ADA: variants seen among roughly 807,000 people sequenced by gnomAD.
ADA encodes the protein adenosine deaminase.
ADA carries 45 observed loss-of-function variants against 49.0 expected under a neutral mutation model. That is an observed-to-expected ratio of 0.92 (90% CI 0.72 to 1.18). The LOEUF (loss-of-function observed/expected upper bound fraction) is 1.18, where lower values mean the gene tolerates loss of function less well. ADA is among the 50% of genes most tolerant of loss of function. ADA has a pLI of 0.00. For synonymous variants in ADA, 173 were observed against 184.2 expected (o/e 0.94, Z 0.49); for missense variants, 445 against 472.5 (o/e 0.94, Z 0.54).
chr20:44,625,515 G>A, intron 5 of ADA, 54 bp downstream of exon 5: 2 of 1,483,412 alleles, frequency 1.3e-6, no homozygotes, highest in East Asian at 2.5e-5. Context: ...TAGGCCAGGA[G>A]GTCAGGGCCA....
chr20:44,638,233 T>C (rs1273642547), intron 1 of ADA, among the ~76,000 whole-genome samples: 1 of 152,234 alleles, frequency 6.6e-6, no homozygotes, highest in Admixed American at 6.5e-5. Flanking sequence ...ACTGCATTAG[T>C]AGGCAGGGAG....
intron 4 of ADA, 155 bp downstream of exon 4, chr20:44,626,301 G>A: frequency 9.8e-7 from 1 of 1,022,040 alleles, no homozygotes; most frequent in Non-Finnish European, 1.5e-6. Flanking sequence ...TCTTGTGACA[G>A]AGTTAAACCC....
intron 1 of ADA, among the ~76,000 whole-genome samples, chr20:44,639,330 C>T (rs1185766238): frequency 6.6e-6 from 1 of 151,834 alleles, no homozygotes; most frequent in Non-Finnish European, 1.5e-5. Flanking sequence ...AAGACCAAGT[C>T]CTGGAGCTCC....
intron 1 of ADA, among the ~76,000 whole-genome samples, chr20:44,646,188 G>C (rs887191488): frequency 6.6e-6 from 1 of 152,126 alleles, no homozygotes; most frequent in East Asian, 1.9e-4. Context: ...TTGAATGCAG[G>C]ATTGGGAAGC....
intron 1 of ADA, among the ~76,000 whole-genome samples, chr20:44,638,124 C>G (rs1273976053): frequency 6.6e-6 from 1 of 152,212 alleles, no homozygotes; most frequent in Non-Finnish European, 1.5e-5. Flanking sequence ...TCACTCCCTG[C>G]TTGACCCTGA....
At chr20:44,651,547 C>G (rs1308392093) in intron 1 of ADA, 28 bp downstream of exon 1, 29 of 1,529,956 alleles carry the variant, frequency 1.9e-5, no homozygotes, top group Non-Finnish European at 4.4e-6. Flanking sequence ...GCCGGACCCC[C>G]GTCCCCGGAG....
At chr20:44,646,212 CT>C (rs956221692) in intron 1 of ADA, among the ~76,000 whole-genome samples, 1 of 152,210 alleles carries the variant, frequency 6.6e-6, no homozygotes, top group Admixed American at 6.5e-5. Context: ...CTGGCCTCCC[CT>C]GCCTCCCTGT....
chr20:44,626,408 C>T, intron 4 of ADA, 48 bp downstream of exon 4: 1 of 1,612,290 alleles, frequency 6.2e-7, no homozygotes, highest in Non-Finnish European at 8.5e-7. Context: ...CAGAGCTGAG[C>T]CTCCCAGCCA....
intron 2 of ADA, among the ~76,000 whole-genome samples, chr20:44,630,004 CT>C (rs1555845295): frequency 3.6e-4 from 54 of 148,944 alleles, no homozygotes; most frequent in East Asian, 2.9e-3. Context: ...TTTCCCCCCC[CT>C]TTTTTTTTTA....
chr20:44,645,185 C>T (rs972365671), intron 1 of ADA, among the ~76,000 whole-genome samples: 1 of 151,950 alleles, frequency 6.6e-6, no homozygotes, highest in African/African-American at 2.4e-5. Context: ...GAGTTTGAGA[C>T]CTCCTCTTCA....
At chr20:44,651,481 C>A in intron 1 of ADA, 94 bp downstream of exon 1, 1 of 1,303,792 alleles carries the variant, frequency 7.7e-7, no homozygotes, top group South Asian at 1.3e-5. Context: ...CCCGTTCGTT[C>A]CCAGGGTTTG....
chr20:44,631,639 C>T lies in ADA; in HGVS notation c.96-2470G>A, dbSNP rs1041993920. ...GATTCTCCTAATGGTCTCCCTCCAGCCCCCAGAACTCCACCTGCGGGGGCT... is the reference window on the plus strand; with the variant it reads ...GATTCTCCTAATGGTCTCCCTCCAGTCCCCAGAACTCCACCTGCGGGGGCT... On this transcript the variant is annotated intron_variant, in intron 2 of 11. Transcript: ENST00000372874. Among the ~76,000 whole-genome samples the T allele has an allele frequency of 3.3e-5, 5 of 152,206 alleles. No individual in the cohort carries two copies. The East Asian group carries it at 5.8e-4, about 18-fold the overall frequency.
In ADA at chr20:44,651,586, C is replaced by A. The variant is rs73598374; in HGVS notation, c.22G>T (p.Asp8Tyr). ...CCGCGCGCGCTCACTTTGGGCTTGT[C>A]GAAGGCGGGCGTCTGGGCCATGGTG... Reference protein sequence around the residue: MAQTPAFDKPKVELHVHL... With the variant: MAQTPAFYKPKVELHVHL... Residue 8 changes from aspartate (D) to tyrosine (Y), a missense_variant, in exon 1 of 12, where the codon GAC becomes TAC. Asp to Tyr is a radical substitution (Grantham distance 160). Transcript: ENST00000372874. 1.3e-6 allele frequency: 2 copies of A among 1,540,762 alleles called. No individual in the cohort carries two copies. Among genetic ancestry groups the A allele is most frequent in the Non-Finnish European group, 1.7e-6 (2 of 1,150,904 alleles).
intron 3 of ADA, 22 bp downstream of exon 3, chr20:44,629,025 C>T: frequency 1.2e-6 from 2 of 1,614,122 alleles, no homozygotes; most frequent in African/African-American, 1.3e-5. Flanking sequence ...GCCCTAGGAC[C>T]TGTGGGTTGG....
rs1555845120 is a variant in ADA, at chr20:44,629,045, A to C, written c.218+2T>G. 6.2e-7 allele frequency: 1 copy of C among 1,614,122 alleles called. No homozygotes were observed. The highest frequency in any genetic ancestry group is 2.2e-5 in the East Asian group (1 of 44,870). On this transcript the variant is annotated splice_donor_variant, in intron 3 of 11. Transcript: ENST00000372874. LOFTEE classifies it high-confidence loss of function. ...AGGACCTGTGGGTTGGGGGCAACTC[A>C]CGCGATAGCAGGCATGTAGTAGTCA...
At chr20:44,620,760 C>T in intron 10 of ADA, 1 of 576,798 alleles carries the variant, frequency 1.7e-6, no homozygotes, top group South Asian at 2.0e-5. Context: ...CTGCACACAC[C>T]TTTCTGGGGA....
intron 1 of ADA, among the ~76,000 whole-genome samples, chr20:44,648,448 C>T (rs1161243673): frequency 6.6e-6 from 1 of 152,126 alleles, no homozygotes; most frequent in Non-Finnish European, 1.5e-5. Context: ...TCCCACGGGA[C>T]ACTGACCATA....
chr20:44,635,432 T>G (rs1260966606), intron 2 of ADA, among the ~76,000 whole-genome samples: 2 of 152,218 alleles, frequency 1.3e-5, no homozygotes, highest in Non-Finnish European at 2.9e-5. Flanking sequence ...GACAACTGTC[T>G]TGGCTGAGCC....
At position 44,636,305 on chromosome 20, in the gene ADA, G is replaced by C; in HGVS notation, c.34-17C>G. On this transcript the variant is annotated splice_polypyrimidine_tract_variant and intron_variant, in intron 1 of 11. Coordinates refer to ENST00000372874, the MANE Select transcript of ADA (RefSeq NM_000022.4). ...CAGTTCCACCTGCAAGGGGGCAGGG[G>C]GAAGAGAGAGAGAAAGGGAGAGAGA... 1 of 1,586,248 alleles carries C rather than the reference G, an allele frequency of 6.3e-7. No individual in the cohort carries two copies. The highest frequency in any genetic ancestry group is 8.6e-7 in the Non-Finnish European group (1 of 1,160,732).
Sources: gnomAD v4.1 joint callset for allele counts (sites outside exome capture counted in the v4.1 genomes callset) on GRCh38, gnomAD v4.1.1 for gene constraint, MANE v1.5 for transcripts, NCBI Gene and HGNC (gene_info 2026-07-23, HGNC 2026-07-21) for gene names.